The following RNF38 variants were observed in gnomAD, a reference collection of about 807,000 sequenced individuals.
RNF38 encodes E3 ubiquitin-protein ligase RNF38.
RNF38 carries 15 observed loss-of-function variants against 67.2 expected under a neutral mutation model. The ratio of observed to expected loss-of-function variants is 0.22; its 90% confidence interval spans 0.15 to 0.34. RNF38 has a LOEUF of 0.34. Ranked by LOEUF, RNF38 falls within the 10% of genes least tolerant of loss-of-function variation. The pLI is 1.00. For synonymous variants in RNF38, 220 were observed against 218.8 expected (o/e 1.01, Z -0.05); for missense variants, 524 against 639.9 (o/e 0.82, Z 1.95).
rs79496791 is a variant in RNF38 at position 36,483,662 on chromosome 9, C to T, written n.241+3646G>A. On this transcript the variant is annotated intron_variant and non_coding_transcript_variant, in intron 1 of 3. Transcript: ENST00000488058. ...CTTAATCTCTGACCATAGGTTCAGA[C>T]GGCTGAACCTCAAATGTTGGTCACA... is the stretch of plus-strand genomic sequence containing the variant. 6.6e-3 allele frequency among the ~76,000 whole-genome samples: 1,007 copies of T among 152,306 alleles called. 5 individuals carry two copies. The highest frequency in any genetic ancestry group is 0.022 in the African/African-American group (908 of 41,552).
chr9:36,370,339 T>C (rs1173619784), intron 3 of RNF38, among the ~76,000 whole-genome samples: 1 of 152,190 alleles, frequency 6.6e-6, no homozygotes, highest in African/African-American at 2.4e-5. Flanking sequence ...ATATACCTAA[T>C]AGGCACCTTT....
rs1185565438 is a variant in RNF38, at chr9:36,369,720, T to C, written c.569A>G (p.Gln190Arg). The C allele has an allele frequency of 1.2e-6, 2 of 1,602,602 alleles. No homozygotes were observed. Among genetic ancestry groups the C allele is most frequent in the Non-Finnish European group, 1.7e-6 (2 of 1,173,302 alleles). Residue 190 changes from glutamine (Q) to arginine (R), a missense_variant and splice_region_variant, in exon 4 of 12, where the codon CAG becomes CGG. Transcript: ENST00000259605. ...TTCCAAGACATTCTGTTATTGTACC[T>C]GATCATGTATGTCAACCATGACTGC... is the stretch of plus-strand genomic sequence containing the variant. ...QNAVMVDIHDQLHQGTVPVSY... is the reference protein window; with the variant it reads ...QNAVMVDIHDRLHQGTVPVSY...
chr9:36,368,534 C>T (rs1262379636), intron 4 of RNF38, among the ~76,000 whole-genome samples: 2 of 152,124 alleles, frequency 1.3e-5, no homozygotes, highest in Non-Finnish European at 2.9e-5. Flanking sequence ...CTCCATTTTG[C>T]TTTTCTTGCT....
intron 1 of RNF38, among the ~76,000 whole-genome samples, chr9:36,458,320 G>C (rs1051048981): frequency 1.3e-5 from 2 of 152,196 alleles, no homozygotes; most frequent in Non-Finnish European, 2.9e-5. Context: ...CAACCAGCAG[G>C]ATGTGGGCAG....
chr9:36,366,227 T>TA (rs1834945856), intron 4 of RNF38, among the ~76,000 whole-genome samples: 1 of 152,308 alleles, frequency 6.6e-6, no homozygotes, highest in East Asian at 1.9e-4. Flanking sequence ...TAAGAACACT[T>TA]AATTAGCCAC....
Position 36,357,541 on chromosome 9 carries a change from T to C in RNF38, c.738+234A>G, listed in dbSNP as rs146471231. Among the ~76,000 whole-genome samples the C allele has an allele frequency of 9.4e-4, 143 of 152,346 alleles. 1 individual carries two copies. Among genetic ancestry groups the C allele is most frequent in the Middle Eastern group, 6.8e-3 (2 of 294 alleles). ...TAATTAATGTAAAAATATATCCGGTTATAAAGCTAATTTTCTTAAATGGTT... is the reference window on the plus strand; with the variant it reads ...TAATTAATGTAAAAATATATCCGGTCATAAAGCTAATTTTCTTAAATGGTT... On this transcript the variant is annotated intron_variant, in intron 5 of 11. Coordinates refer to ENST00000259605, the MANE Select transcript of RNF38 (RefSeq NM_022781.5).
chr9:36,456,327 G>A (rs551172941), intron 1 of RNF38, among the ~76,000 whole-genome samples: 9 of 152,294 alleles, frequency 5.9e-5, no homozygotes, highest in Non-Finnish European at 1.2e-4. Flanking sequence ...AAAATGCTGG[G>A]ATTACAGGCG....
At chr9:36,393,152 C>G (rs1299968982) in intron 1 of RNF38, among the ~76,000 whole-genome samples, 1 of 152,164 alleles carries the variant, frequency 6.6e-6, no homozygotes, top group African/African-American at 2.4e-5. Flanking sequence ...TACAAAATTG[C>G]TAGTACAAGT....
chr9:36,440,341 T>TG (rs1839166069), intron 1 of RNF38, among the ~76,000 whole-genome samples: 1 of 151,998 alleles, frequency 6.6e-6, no homozygotes, highest in Admixed American at 6.6e-5. Flanking sequence ...GTCAGGAGCC[T>TG]GACCAAATGT....
chr9:36,445,928 G>A (rs1016789003), intron 1 of RNF38, among the ~76,000 whole-genome samples: 4 of 152,166 alleles, frequency 2.6e-5, no homozygotes, highest in South Asian at 2.1e-4. Context: ...CTTCAGAGCC[G>A]TTGCCACACA....
At chr9:36,356,992 G>A (rs1834171550) in intron 5 of RNF38, among the ~76,000 whole-genome samples, 2 of 152,138 alleles carry the variant, frequency 1.3e-5, no homozygotes, top group African/African-American at 4.8e-5. Flanking sequence ...AAATTAATCT[G>A]TTAAGTTAGT....
chr9:36,387,099 G>A (rs1836702311), intron 2 of RNF38, among the ~76,000 whole-genome samples: 1 of 152,160 alleles, frequency 6.6e-6, no homozygotes, highest in Non-Finnish European at 1.5e-5. Flanking sequence ...CACCGTGTGG[G>A]AGCCCCTACC....
chr9:36,415,833 T>TG (rs1472842579), intron 2 of RNF38, among the ~76,000 whole-genome samples: 1 of 152,138 alleles, frequency 6.6e-6, no homozygotes, highest in Non-Finnish European at 1.5e-5. Flanking sequence ...TCAGAACCTC[T>TG]GGTTAGCTAG....
chr9:36,351,719 G>C (rs952329194), intron 8 of RNF38, among the ~76,000 whole-genome samples: 4 of 152,190 alleles, frequency 2.6e-5, no homozygotes, highest in African/African-American at 4.8e-5. Flanking sequence ...TATAAAAACT[G>C]TATTTCCTAG....
chr9:36,486,726 A>G (rs577142442), intron 1 of RNF38, among the ~76,000 whole-genome samples: 1 of 151,990 alleles, frequency 6.6e-6, no homozygotes, highest in Admixed American at 6.5e-5. Flanking sequence ...CCCGCACAGA[A>G]GTCTTTCCCG....
Position 36,479,263 on chromosome 9 carries a change from C to T in RNF38, n.241+8045G>A, listed in dbSNP as rs1464876420. Among the ~76,000 whole-genome samples, 3 of 152,300 alleles carry T rather than the reference C, an allele frequency of 2.0e-5. 1 individual carries two copies. Among genetic ancestry groups the T allele is most frequent in the South Asian group, 4.2e-4 (2 of 4,818 alleles). On this transcript the variant is annotated intron_variant and non_coding_transcript_variant, in intron 1 of 3. Coordinates refer to the RNF38 transcript ENST00000488058. ...ACAGCAATCCCGCCTTTAGAACATC[C>T]TCAGAGCACAAAGCTTCTTTGTATA...
chr9:36,457,830 G>A (rs1179158133), intron 1 of RNF38, among the ~76,000 whole-genome samples: 1 of 151,480 alleles, frequency 6.6e-6, no homozygotes, highest in African/African-American at 2.4e-5. Flanking sequence ...GTGACAGAGG[G>A]AGACTCCGTC....
rs767814975 is a variant in RNF38, at chr9:36,390,527, G to A, written c.102C>T (p.Leu34=). 1.1e-5 allele frequency: 17 copies of A among 1,614,040 alleles called. No individual in the cohort carries two copies. Among genetic ancestry groups the A allele is most frequent in the Admixed American group, 5.0e-5 (3 of 60,020 alleles). ...ERVRLQSLFP[L]LPSDQNTTVQ... is the part of the protein sequence containing the mutation. ...CGGTAGTGTTCTGATCACTTGGGAGGAGAGGGAACAGGCTCTGAAGTCTCA... is the reference window on the plus strand; with the variant it reads ...CGGTAGTGTTCTGATCACTTGGGAGAAGAGGGAACAGGCTCTGAAGTCTCA... The change falls in exon 2 of 12, where the codon CTC becomes CTT. Residue 34 remains leucine (L), a synonymous_variant. Coordinates refer to ENST00000259605, the MANE Select transcript of RNF38 (RefSeq NM_022781.5).
At chr9:36,389,969 C>A (rs1186356325) in intron 2 of RNF38, among the ~76,000 whole-genome samples, 2 of 152,302 alleles carry the variant, frequency 1.3e-5, no homozygotes, top group East Asian at 1.9e-4. Context: ...TCCATTTACA[C>A]ACCTTACTTT....
Sources: allele counts gnomAD v4.1 joint callset (sites outside exome capture counted in the v4.1 genomes callset), GRCh38; gene constraint gnomAD v4.1.1; transcripts MANE v1.5; gene names NCBI Gene and HGNC (gene_info 2026-07-23, HGNC 2026-07-21).